Variants in RHBDD1 observed in about 807,000 individuals in gnomAD.
The protein encoded by RHBDD1 is rhomboid domain containing 1, also known as rhomboid-related protein 4.
In RHBDD1, 38 loss-of-function variants were observed where a neutral mutation model predicts 36.3. The observed-to-expected ratio is 1.05, with a 90% confidence interval of 0.81 to 1.37. RHBDD1 has a LOEUF of 1.37. RHBDD1 is among the 40% of genes most tolerant of loss of function. RHBDD1 has a pLI of 0.00. For synonymous variants in RHBDD1, 151 were observed against 136.5 expected (o/e 1.11, Z -0.74); for missense variants, 393 against 377.6 (o/e 1.04, Z -0.34).
chr2:226,942,009 A>G lies in RHBDD1; in HGVS notation c.856+27658A>G, dbSNP rs186619177. ...TTCAGGGTCACATTCTAAGTGGTAA[A>G]TATCAGATTAGAGGGCCAGATGTCT... is the stretch of plus-strand genomic sequence containing the variant. On this transcript the variant is annotated intron_variant, in intron 8 of 8. Transcript: ENST00000392062. Among the ~76,000 whole-genome samples the G allele has an allele frequency of 8.8e-4, 134 of 152,312 alleles. 3 individuals carry two copies. The Middle Eastern group carries it at 0.024, about 27-fold the overall frequency.
At chr2:226,869,198 T>G in intron 5 of RHBDD1, 1 of 984,932 alleles carries the variant, frequency 1.0e-6, no homozygotes, top group Non-Finnish European at 1.2e-6. Context: ...CATATGCATA[T>G]TCTTTGTGGA....
At chr2:226,827,597 T>G in the RHBDD1 span, among the ~76,000 whole-genome samples, 1 of 152,226 alleles carries the variant, frequency 6.6e-6, no homozygotes, top group Non-Finnish European at 1.5e-5. Flanking sequence ...GTCCCACCCA[T>G]TTACACATTA....
chr2:226,936,089 A>G (rs1161380381), intron 8 of RHBDD1, among the ~76,000 whole-genome samples: 2 of 152,246 alleles, frequency 1.3e-5, no homozygotes, highest in East Asian at 3.9e-4. Flanking sequence ...CTTTCTATGT[A>G]ATAAAAAAGT....
intron 5 of RHBDD1, among the ~76,000 whole-genome samples, chr2:226,876,224 C>T (rs1192764611): frequency 6.6e-6 from 1 of 152,130 alleles, no homozygotes; most frequent in Non-Finnish European, 1.5e-5. Context: ...TGGTTTAGGA[C>T]AGGAGGCCAG....
At chr2:226,824,850 T>C in the RHBDD1 span, among the ~76,000 whole-genome samples, 465 of 152,254 alleles carry the variant, frequency 3.1e-3, 2 homozygotes, top group Middle Eastern at 0.01. Flanking sequence ...ATTTTAATCA[T>C]TAGTAAGCAG....
At chr2:226,874,499 T>G (rs1228595370) in intron 5 of RHBDD1, among the ~76,000 whole-genome samples, 1 of 152,196 alleles carries the variant, frequency 6.6e-6, no homozygotes, top group Admixed American at 6.5e-5. Context: ...GGGGAGAAAC[T>G]ATTACCTTAC....
intron 8 of RHBDD1, among the ~76,000 whole-genome samples, chr2:226,923,299 G>A (rs1949451733): frequency 6.6e-6 from 1 of 152,054 alleles, no homozygotes; most frequent in Non-Finnish European, 1.5e-5. Flanking sequence ...ACTATTATAG[G>A]ATAAATTTTT....
the RHBDD1 span, among the ~76,000 whole-genome samples, chr2:226,812,426 C>T: frequency 1.3e-5 from 2 of 152,184 alleles, no homozygotes; most frequent in Admixed American, 6.5e-5. Flanking sequence ...ATCTTAAAAA[C>T]GTATTCACTG....
At chr2:226,894,295 A>C (rs1003951655) in intron 5 of RHBDD1, among the ~76,000 whole-genome samples, 6 of 152,262 alleles carry the variant, frequency 3.9e-5, no homozygotes, top group Admixed American at 6.5e-5. Context: ...TTTGAGACAG[A>C]GTCTCACTGT....
At chr2:226,900,306 C>T (rs1270402898) in intron 5 of RHBDD1, among the ~76,000 whole-genome samples, 6 of 152,076 alleles carry the variant, frequency 3.9e-5, no homozygotes, top group Non-Finnish European at 4.4e-5. Flanking sequence ...GAATTTGAAT[C>T]GTGACGTTAT....
rs558656207 is a variant in RHBDD1 at position 226,951,265 on chromosome 2, T to A, written c.856+36914T>A. 3.9e-5 allele frequency among the ~76,000 whole-genome samples: 6 copies of A among 152,294 alleles called. No individual in the cohort carries two copies. In the East Asian group the frequency reaches 1.2e-3, roughly 29 times the overall value. On this transcript the variant is annotated intron_variant, in intron 8 of 8. Transcript: ENST00000392062. ...CAAATACAGTCTCTTTCTGTAGTAC[T>A]GGGGTTTAGGGCTGCCACAGGTGAA... is the stretch of plus-strand genomic sequence containing the variant.
intron 5 of RHBDD1, among the ~76,000 whole-genome samples, chr2:226,888,887 TAAAC>T (rs1408502889): frequency 6.6e-6 from 1 of 152,196 alleles, no homozygotes; most frequent in Non-Finnish European, 1.5e-5. Flanking sequence ...CGTTAGGAAT[TAAAC>T]AACTTCCATG....
intron 5 of RHBDD1, among the ~76,000 whole-genome samples, chr2:226,896,394 T>C (rs906781853): frequency 5.3e-5 from 8 of 152,176 alleles, no homozygotes; most frequent in Non-Finnish European, 8.8e-5. Context: ...GCAAGTCCTT[T>C]TATCTCTGCC....
chr2:226,995,705 G>A lies in RHBDD1; in HGVS notation c.*183G>A. 2 of 600,556 alleles carry A rather than the reference G, an allele frequency of 3.3e-6. No individual in the cohort carries two copies. The highest frequency in any genetic ancestry group is 6.0e-6 in the Non-Finnish European group (2 of 335,506). The allele number at this position is 600,556 out of a possible 1,614,324, so 37.2% of individuals were successfully genotyped here. On this transcript the variant is annotated 3_prime_UTR_variant, in exon 9 of 9. Transcript: ENST00000392062. ...TATGAGTCAACTCACAGCTTGCGGG[G>A]AGTGGGCCTTCTCCTGGCCTTGTTC...
At chr2:226,822,099 T>C in the RHBDD1 span, among the ~76,000 whole-genome samples, 1 of 152,146 alleles carries the variant, frequency 6.6e-6, no homozygotes, top group Admixed American at 6.5e-5. Flanking sequence ...GTCAAAGGCA[T>C]TAGGGAAAAA....
intron 8 of RHBDD1, among the ~76,000 whole-genome samples, chr2:226,927,220 G>A (rs547649727): frequency 6.6e-6 from 1 of 152,148 alleles, no homozygotes; most frequent in Non-Finnish European, 1.5e-5. Flanking sequence ...TTGAGAGGTC[G>A]TACTTCTTTC....
At chr2:226,903,531 T>C (rs1209185127) in intron 5 of RHBDD1, among the ~76,000 whole-genome samples, 1 of 151,876 alleles carries the variant, frequency 6.6e-6, no homozygotes, top group African/African-American at 2.4e-5. Context: ...TAATGGGGGG[T>C]GACTATAGAA....
chr2:226,936,707 A>G (rs1401284833), intron 8 of RHBDD1, among the ~76,000 whole-genome samples: 1 of 152,118 alleles, frequency 6.6e-6, no homozygotes, highest in Non-Finnish European at 1.5e-5. Context: ...GTTGCTCAGT[A>G]CCGTCATTCA....
At chr2:226,802,020 AC>A in the RHBDD1 span, among the ~76,000 whole-genome samples, 4 of 145,876 alleles carry the variant, frequency 2.7e-5, no homozygotes, top group African/African-American at 7.6e-5. Context: ...CCGTCCCTCC[AC>A]CCCCCACCCC....
Sources: allele counts gnomAD v4.1 joint callset (sites outside exome capture counted in the v4.1 genomes callset), GRCh38; gene constraint gnomAD v4.1.1; transcripts MANE v1.5; gene names NCBI Gene and HGNC (gene_info 2026-07-23, HGNC 2026-07-21).